UBAC2: variants seen among roughly 807,000 people sequenced by gnomAD.
UBAC2 encodes UBA domain containing 2.
UBAC2 carries 26 observed loss-of-function variants against 44.0 expected under a neutral mutation model. That is an observed-to-expected ratio of 0.59 (90% CI 0.43 to 0.82). UBAC2 has a LOEUF of 0.82. UBAC2 is among the 40% of genes least tolerant of loss of function. The pLI is 0.00. For synonymous variants in UBAC2, 155 were observed against 154.3 expected (o/e 1.00, Z -0.04); for missense variants, 329 against 419.4 (o/e 0.78, Z 1.88).
chr13:99,351,317 C>T (rs1236473227), intron 7 of UBAC2: 6 of 330,498 alleles, frequency 1.8e-5, no homozygotes, highest in African/African-American at 1.1e-4. Flanking sequence ...TCTAGAGCAA[C>T]AGTCAGCAGG....
chr13:99,346,449 A>C (rs1181284216), intron 7 of UBAC2, among the ~76,000 whole-genome samples: 1 of 152,132 alleles, frequency 6.6e-6, no homozygotes, highest in Non-Finnish European at 1.5e-5. Flanking sequence ...CCTGCCTGCT[A>C]TGTGGCCGCA....
At chr13:99,300,798 G>T (rs1358886019) in intron 4 of UBAC2, among the ~76,000 whole-genome samples, 38 of 152,192 alleles carry the variant, frequency 2.5e-4, no homozygotes, top group Non-Finnish European at 8.8e-5. Context: ...AGCAGTATGT[G>T]CTGGGTTCCT....
chr13:99,276,717 G>A (rs996624616), intron 4 of UBAC2, among the ~76,000 whole-genome samples: 6 of 152,246 alleles, frequency 3.9e-5, no homozygotes, highest in Admixed American at 6.5e-5. Flanking sequence ...TGGTCGGCCA[G>A]CTCCATCTGA....
chr13:99,346,775 G>A (rs2044989841), intron 7 of UBAC2, among the ~76,000 whole-genome samples: 1 of 152,152 alleles, frequency 6.6e-6, no homozygotes, highest in African/African-American at 2.4e-5. Flanking sequence ...TCGTGGCACC[G>A]CAAACCCGAT....
chr13:99,322,233 ATT>A (rs2044577467), intron 6 of UBAC2, among the ~76,000 whole-genome samples: 1 of 152,148 alleles, frequency 6.6e-6, no homozygotes, highest in Non-Finnish European at 1.5e-5. Context: ...AATTCCACTA[ATT>A]TTCTTACACA....
At chr13:99,279,214 C>T (rs1047980417) in intron 4 of UBAC2, among the ~76,000 whole-genome samples, 5 of 152,194 alleles carry the variant, frequency 3.3e-5, no homozygotes, top group Non-Finnish European at 7.4e-5. Flanking sequence ...ACAGTACCTA[C>T]TGGTTTGGTT....
chr13:99,326,352 T>C (rs2044640799), intron 6 of UBAC2, among the ~76,000 whole-genome samples: 1 of 152,202 alleles, frequency 6.6e-6, no homozygotes, highest in Non-Finnish European at 1.5e-5. Context: ...TGGAGAAATG[T>C]CTGTTTAGGT....
At chr13:99,374,020 A>C (rs1358448727) in intron 8 of UBAC2, among the ~76,000 whole-genome samples, 4 of 152,206 alleles carry the variant, frequency 2.6e-5, no homozygotes, top group African/African-American at 9.7e-5. Flanking sequence ...TTTATAATGC[A>C]TGTCAAACGA....
At position 99,357,593 on chromosome 13, in the gene UBAC2, G is replaced by A. The variant is rs1248423186; in HGVS notation, c.808-10194G>A. ...AGCTGCAGCTTCCACAGAGCACAGGGAATTGCAAATAACTGTCTTCTATGA... is the reference window on the plus strand; with the variant it reads ...AGCTGCAGCTTCCACAGAGCACAGGAAATTGCAAATAACTGTCTTCTATGA... On this transcript the variant is annotated intron_variant, in intron 7 of 8. Coordinates refer to ENST00000403766, the MANE Select transcript of UBAC2 (RefSeq NM_001144072.2). Among the ~76,000 whole-genome samples the A allele has an allele frequency of 4.6e-5, 7 of 152,174 alleles. No homozygotes were observed. In the South Asian group the frequency reaches 1.0e-3, roughly 23 times the overall value.
intron 4 of UBAC2, among the ~76,000 whole-genome samples, chr13:99,306,800 CTT>C (rs1020038111): frequency 2.0e-5 from 3 of 152,102 alleles, no homozygotes; most frequent in African/African-American, 7.2e-5. Context: ...GATTGGTACT[CTT>C]TGCTGGCGGG....
rs561187582 is a variant in UBAC2, at chr13:99,238,873, A to G, written c.159+319A>G. On this transcript the variant is annotated intron_variant, in intron 2 of 8. Coordinates refer to ENST00000403766, the MANE Select transcript of UBAC2 (RefSeq NM_001144072.2). ...TTTTTAATGCCCAGTAGGCATACTT[A>G]GCTTTGCCAAAACCTTGTCTCAATT... 3.9e-5 allele frequency among the ~76,000 whole-genome samples: 6 copies of G among 152,354 alleles called. No homozygotes were observed. In the South Asian group the frequency reaches 8.3e-4, roughly 21 times the overall value.
chr13:99,318,768 G>T (rs1443082225), intron 6 of UBAC2, among the ~76,000 whole-genome samples: 1 of 145,686 alleles, frequency 6.9e-6, no homozygotes, highest in African/African-American at 2.5e-5. Context: ...CTTGCAGTGA[G>T]CCGAGGTGGC....
At position 99,324,667 on chromosome 13, in the gene UBAC2, A is replaced by T. The variant is rs529311481; in HGVS notation, c.561+6598A>T. On this transcript the variant is annotated intron_variant, in intron 6 of 8. Coordinates refer to ENST00000403766, the MANE Select transcript of UBAC2 (RefSeq NM_001144072.2). ...CTACGGAATATTCTCCCTATTATAG[A>T]TGAAGAAACTGAGGCACAGGGAAAT... Among the ~76,000 whole-genome samples, 6 of 152,326 alleles carry T rather than the reference A, an allele frequency of 3.9e-5. 1 individual carries two copies. In the East Asian group the frequency reaches 7.7e-4, roughly 20 times the overall value.
In UBAC2 at chr13:99,232,420, A is replaced by ATATATATATATT. The variant is rs1438082766; in HGVS notation, c.32-6006_32-6005insATATATATATTT. On this transcript the variant is annotated intron_variant, in intron 1 of 8. Transcript: ENST00000403766. ...GAGAGATATAGATATATATATATAT[A>ATATATATATATT]TTCACACACACATACTCTAAGGACC... Among the ~76,000 whole-genome samples the ATATATATATATT allele has an allele frequency of 6.7e-4, 96 of 142,694 alleles. 1 individual carries two copies. The highest frequency in any genetic ancestry group is 2.4e-3 in the African/African-American group (94 of 39,104). The allele number at this position is 142,694 out of a possible 152,430, so 93.6% of individuals were successfully genotyped here. A position where few individuals can be genotyped will look rare whatever the true frequency, so the allele number is the denominator to read the frequency against.
At chr13:99,222,899 G>A (rs1280942760) in intron 1 of UBAC2, among the ~76,000 whole-genome samples, 1 of 152,172 alleles carries the variant, frequency 6.6e-6, no homozygotes, top group Non-Finnish European at 1.5e-5. Context: ...ATTTTTCTGT[G>A]TTGTAACAGA....
chr13:99,370,503 G>T (rs1010209803), intron 8 of UBAC2, among the ~76,000 whole-genome samples: 1 of 152,108 alleles, frequency 6.6e-6, no homozygotes, highest in Non-Finnish European at 1.5e-5. Context: ...TTCCCTTTCA[G>T]CAAACAAAAC....
intron 8 of UBAC2, 98 bp from the exon 9 acceptor site, chr13:99,385,130 T>G: frequency 1.1e-6 from 1 of 898,090 alleles, no homozygotes. Context: ...GTAAACAGTT[T>G]TGACCTTTGC....
chr13:99,282,351 T>G (rs552544201), intron 4 of UBAC2, among the ~76,000 whole-genome samples: 1 of 152,346 alleles, frequency 6.6e-6, no homozygotes, highest in Non-Finnish European at 1.5e-5. Flanking sequence ...TTGAGAACTT[T>G]TGACTAGGTA....
At chr13:99,248,487 G>A (rs1377572278) in intron 4 of UBAC2, among the ~76,000 whole-genome samples, 1 of 151,532 alleles carries the variant, frequency 6.6e-6, no homozygotes, top group Non-Finnish European at 1.5e-5. Context: ...TGCCTCCCTG[G>A]TTCAAGCGAT....
Sources: allele counts gnomAD v4.1 joint callset (sites outside exome capture counted in the v4.1 genomes callset), GRCh38; gene constraint gnomAD v4.1.1; transcripts MANE v1.5; gene names NCBI Gene and HGNC (gene_info 2026-07-23, HGNC 2026-07-21).